The following DNAH8 variants were observed in gnomAD, a reference collection of about 807,000 sequenced individuals.
DNAH8 encodes axonemal beta dynein heavy chain 8.
In DNAH8, 382 loss-of-function variants were observed where a neutral mutation model predicts 562.1. That is an observed-to-expected ratio of 0.68 (90% CI 0.63 to 0.74). DNAH8 has a LOEUF of 0.74. Ranked by LOEUF, DNAH8 falls within the 30% of genes least tolerant of loss-of-function variation. The pLI is 0.00. For synonymous variants in DNAH8, 1,881 were observed against 1,919.4 expected (o/e 0.98, Z 0.52); for missense variants, 5,203 against 5,620.4 (o/e 0.93, Z 2.37).
chr6:38,758,436 G>A (rs558799574), intron 10 of DNAH8, among the ~76,000 whole-genome samples: 139 of 151,844 alleles, frequency 9.2e-4, no homozygotes, highest in African/African-American at 3.1e-3. Flanking sequence ...GGGCTGAGAC[G>A]ATGGGGTTTT....
intron 88 of DNAH8, among the ~76,000 whole-genome samples, chr6:38,992,817 A>G (rs1323818416): frequency 6.6e-6 from 1 of 152,208 alleles, no homozygotes; most frequent in Admixed American, 6.5e-5. Context: ...AAAGACAAAG[A>G]CAAACCATTT....
At chr6:38,932,629 A>C (rs1305461437) in intron 76 of DNAH8, among the ~76,000 whole-genome samples, 3 of 152,230 alleles carry the variant, frequency 2.0e-5, no homozygotes, top group African/African-American at 4.8e-5. Flanking sequence ...GTACATTTGC[A>C]TAAAATATGA....
chr6:38,905,591 T>C (rs1376797038), intron 62 of DNAH8, among the ~76,000 whole-genome samples: 2 of 152,142 alleles, frequency 1.3e-5, no homozygotes, highest in African/African-American at 2.4e-5. Context: ...GTTTTAGATA[T>C]TATATATATA....
chr6:38,720,657 T>C (rs1460032687), intron 1 of DNAH8, among the ~76,000 whole-genome samples: 1 of 152,092 alleles, frequency 6.6e-6, no homozygotes, highest in Non-Finnish European at 1.5e-5. Flanking sequence ...CTGGAGTAAA[T>C]AATTAATCCT....
At chr6:38,920,895 A>T (rs950981940) in intron 70 of DNAH8, among the ~76,000 whole-genome samples, 2 of 152,028 alleles carry the variant, frequency 1.3e-5, no homozygotes, top group African/African-American at 4.8e-5. Flanking sequence ...ATTAATAATT[A>T]AAAAAATTTT....
At chr6:38,894,204 T>C (rs1398772969) in intron 58 of DNAH8, among the ~76,000 whole-genome samples, 2 of 152,218 alleles carry the variant, frequency 1.3e-5, no homozygotes, top group African/African-American at 2.4e-5. Context: ...GCAGATATAT[T>C]TATGGAAATC....
intron 8 of DNAH8, among the ~76,000 whole-genome samples, chr6:38,747,384 C>CTTT (rs55729629): frequency 3.5e-5 from 4 of 113,756 alleles, no homozygotes; most frequent in East Asian, 2.8e-4. Context: ...TTTTCTTTTT[C>CTTT]TTTTTTTTTT....
At chr6:38,999,249 T>G (rs1465489957) in intron 88 of DNAH8, among the ~76,000 whole-genome samples, 1 of 152,186 alleles carries the variant, frequency 6.6e-6, no homozygotes, top group Non-Finnish European at 1.5e-5. Context: ...GGAGCACCAG[T>G]GAACTTGGCC....
chr6:38,886,025 T>C (rs1778892357), intron 56 of DNAH8, among the ~76,000 whole-genome samples: 1 of 152,220 alleles, frequency 6.6e-6, no homozygotes, highest in South Asian at 2.1e-4. Flanking sequence ...TTGTGTGATA[T>C]GCACTAAGAG....
chr6:39,008,679 A>G (rs1211393427), intron 88 of DNAH8, 135 bp from the exon 89 acceptor site: 5 of 511,296 alleles, frequency 9.8e-6, no homozygotes, highest in Non-Finnish European at 1.0e-5. Context: ...GGTTGATGGT[A>G]GTTAACTTTT....
At chr6:38,728,269 A>G (rs1763387583) in intron 3 of DNAH8, among the ~76,000 whole-genome samples, 1 of 145,620 alleles carries the variant, frequency 6.9e-6, no homozygotes, top group Admixed American at 6.8e-5. Context: ...AGCCTGGCCT[A>G]CTTAAAGTCT....
At chr6:38,912,071 A>G (rs376025761) in intron 66 of DNAH8, among the ~76,000 whole-genome samples, 2 of 152,370 alleles carry the variant, frequency 1.3e-5, no homozygotes, top group East Asian at 3.9e-4. Flanking sequence ...TATATGTAGT[A>G]TAACTAGCAA....
intron 33 of DNAH8, among the ~76,000 whole-genome samples, chr6:38,839,739 A>G (rs1442510341): frequency 6.6e-6 from 1 of 151,520 alleles, no homozygotes; most frequent in Admixed American, 6.6e-5. Context: ...CTCGGCTCAC[A>G]GCAACCTCCA....
intron 47 of DNAH8, 70 bp from the exon 48 acceptor site, chr6:38,867,992 T>C: frequency 6.6e-7 from 1 of 1,504,368 alleles, no homozygotes. Flanking sequence ...CCTATATGCA[T>C]AGAGTGAGCC....
At chr6:38,745,198 A>G (rs1044423799) in intron 8 of DNAH8, among the ~76,000 whole-genome samples, 6 of 152,194 alleles carry the variant, frequency 3.9e-5, no homozygotes, top group African/African-American at 1.4e-4. Context: ...AGGTGCAAGC[A>G]TCAGTGTGTG....
At chr6:38,906,507 A>AT (rs1203211750) in intron 63 of DNAH8, 100 bp downstream of exon 63, 5 of 994,272 alleles carry the variant, frequency 5.0e-6, no homozygotes, top group Admixed American at 6.5e-5. Context: ...TATTTAGTAC[A>AT]TTTTTTATTT....
At chr6:39,009,484 A>G (rs1198433778) in intron 89 of DNAH8, among the ~76,000 whole-genome samples, 2 of 152,318 alleles carry the variant, frequency 1.3e-5, no homozygotes, top group Non-Finnish European at 1.5e-5. Context: ...GATATTATGA[A>G]TATAAGCACC....
intron 11 of DNAH8, among the ~76,000 whole-genome samples, chr6:38,762,501 C>T (rs1186895582): frequency 6.6e-6 from 1 of 152,124 alleles, no homozygotes; most frequent in Non-Finnish European, 1.5e-5. Context: ...TTTTTGGAAG[C>T]TGTATTGGTG....
intron 61 of DNAH8, among the ~76,000 whole-genome samples, 185 bp from the exon 62 acceptor site, chr6:38,899,591 G>A (rs1322204442): frequency 6.6e-6 from 1 of 152,170 alleles, no homozygotes; most frequent in Non-Finnish European, 1.5e-5. Context: ...GATGGTCAAG[G>A]AAAGATTCGA....
Sources: gnomAD v4.1 joint callset for allele counts (sites outside exome capture counted in the v4.1 genomes callset) on GRCh38, gnomAD v4.1.1 for gene constraint, MANE v1.5 for transcripts, NCBI Gene and HGNC (gene_info 2026-07-23, HGNC 2026-07-21) for gene names.